Variants in SEPTIN9 observed in about 807,000 individuals in gnomAD.
The protein encoded by SEPTIN9 is septin-9.
A neutral mutation model predicts 56.6 loss-of-function variants in SEPTIN9; 13 were observed. The ratio of observed to expected loss-of-function variants is 0.23; its 90% CI spans 0.15 to 0.37. The LOEUF (loss-of-function observed/expected upper bound fraction) is 0.37, where lower values mean the gene tolerates loss of function less well. Ranked by LOEUF, SEPTIN9 falls within the 10% of genes least tolerant of loss-of-function variation. SEPTIN9 has a pLI of 1.00. For missense variants in SEPTIN9, 650 were observed against 823.1 expected, an observed-to-expected ratio of 0.79 and a Z score of 2.57; for synonymous variants, 332 against 334.1, an observed-to-expected ratio of 0.99 and a Z score of 0.07.
intron 3 of SEPTIN9, among the ~76,000 whole-genome samples, chr17:77,418,216 G>A (rs749199818): frequency 2.0e-5 from 3 of 152,164 alleles, no homozygotes; most frequent in African/African-American, 4.8e-5. Context: ...TCGGAGTCCC[G>A]CTCCGGTTCA....
In SEPTIN9 at chr17:77,493,407, C is replaced by T. The variant is rs143474959; in HGVS notation, c.1573+331C>T. On this transcript the variant is annotated intron_variant, in intron 10 of 11. Coordinates refer to ENST00000427177, the MANE Select transcript of SEPTIN9 (RefSeq NM_001113491.2). ...GCCCTGGACAAATCGCCCAACCTCT[C>T]TGGGCCTAGAAAAGGGGTGGGCTGT... is the stretch of plus-strand genomic sequence containing the variant. 1.6e-3 allele frequency among the ~76,000 whole-genome samples: 243 copies of T among 152,336 alleles called. 1 individual carries two copies. The highest frequency in any genetic ancestry group is 5.5e-3 in the African/African-American group (229 of 41,578).
At chr17:77,361,856 T>A (rs2034429390) in intron 2 of SEPTIN9, among the ~76,000 whole-genome samples, 1 of 152,132 alleles carries the variant, frequency 6.6e-6, no homozygotes, top group Non-Finnish European at 1.5e-5. Context: ...ATGGTCTCGA[T>A]CTCTTGACCT....
In SEPTIN9 at chr17:77,302,799, A is replaced by G. The variant is rs1194913224; in HGVS notation, c.20-4342A>G. Reference sequence around the variant, plus strand: ...CTTGGTGGAATTGGGGCAAAAGAGCAGGGAGGGCACTGGGCAGTTGACCTG... The same window carrying G: ...CTTGGTGGAATTGGGGCAAAAGAGCGGGGAGGGCACTGGGCAGTTGACCTG... On this transcript the variant is annotated intron_variant, in intron 1 of 11. Transcript: ENST00000427177. 2.6e-5 allele frequency among the ~76,000 whole-genome samples: 4 copies of G among 152,204 alleles called. No individual in the cohort carries two copies. In the East Asian group the frequency reaches 7.7e-4, roughly 29 times the overall value.
chr17:77,471,575 C>G (rs957209807), intron 3 of SEPTIN9, among the ~76,000 whole-genome samples: 1 of 152,270 alleles, frequency 6.6e-6, no homozygotes, highest in Non-Finnish European at 1.5e-5. Context: ...GACAGGTCTG[C>G]TGATAGCAGA....
At position 77,453,214 on chromosome 17, in the gene SEPTIN9, G is replaced by A. The variant is rs1411175557; in HGVS notation, c.722-28930G>A. Among the ~76,000 whole-genome samples the A allele has an allele frequency of 6.6e-6, 1 of 152,098 alleles. No individual in the cohort carries two copies. Among genetic ancestry groups the A allele is most frequent in the Non-Finnish European group, 1.5e-5 (1 of 68,024 alleles). ...GGGGCACTCTGGGATGAGAAGATGC[G>A]ACTTCTGCCCTGAGAGCCCTGCTTT... is the stretch of plus-strand genomic sequence containing the variant. On this transcript the variant is annotated intron_variant, in intron 3 of 11. Coordinates refer to ENST00000427177, the MANE Select transcript of SEPTIN9 (RefSeq NM_001113491.2). This position sits in a 1 kb window ranked among gnomAD's most constrained non-coding sequence, Gnocchi z 4.4.
chr17:77,442,843 A>G (rs2037599291), intron 3 of SEPTIN9, among the ~76,000 whole-genome samples: 1 of 152,130 alleles, frequency 6.6e-6, no homozygotes, highest in Admixed American at 6.5e-5. Flanking sequence ...ATTGCATTCC[A>G]GTCTGGGCAA....
At chr17:77,408,366 G>A (rs889792833) in intron 3 of SEPTIN9, among the ~76,000 whole-genome samples, 1 of 152,222 alleles carries the variant, frequency 6.6e-6, no homozygotes, top group African/African-American at 2.4e-5. Context: ...ATGGCAGCAT[G>A]TCTCAGTAGT....
Position 77,445,810 on chromosome 17 carries a change from C to G in SEPTIN9, c.722-36334C>G. The G allele has an allele frequency of 4.9e-6, 1 of 202,712 alleles. No homozygotes were observed. The allele number at this position is 202,712 out of a possible 1,614,324, so 12.6% of individuals were successfully genotyped here. On this transcript the variant is annotated intron_variant, in intron 3 of 11. Coordinates refer to ENST00000427177, the MANE Select transcript of SEPTIN9 (RefSeq NM_001113491.2). The surrounding 1 kb of genome is among the most constrained non-coding windows in gnomAD (Gnocchi z 4.7). Reference sequence around the variant, plus strand: ...TGTGACCCTTCTGTTGGGTGGGTCACGAGGAAGGACTGTGGGTGTTGCCCA... The same window carrying G: ...TGTGACCCTTCTGTTGGGTGGGTCAGGAGGAAGGACTGTGGGTGTTGCCCA...
intron 3 of SEPTIN9, among the ~76,000 whole-genome samples, chr17:77,464,771 T>G (rs1260071419): frequency 6.6e-6 from 1 of 151,930 alleles, no homozygotes; most frequent in East Asian, 1.9e-4. Context: ...CGGCTAATTT[T>G]TTTTTTTGTA....
chr17:77,370,517 T>A (rs1344437436), intron 2 of SEPTIN9, among the ~76,000 whole-genome samples: 1 of 152,210 alleles, frequency 6.6e-6, no homozygotes, highest in Non-Finnish European at 1.5e-5. Context: ...TGGGCATATC[T>A]TTGTTTTGGG....
chr17:77,475,928 G>A lies in SEPTIN9; in HGVS notation c.722-6216G>A, dbSNP rs765779077. The A allele has an allele frequency of 6.3e-7, 1 of 1,594,288 alleles. No homozygotes were observed. Among genetic ancestry groups the A allele is most frequent in the Non-Finnish European group, 8.6e-7 (1 of 1,167,658 alleles). ...GGTGTGTGGGGATGTGGCCATTTCG[G>A]TCCGTGCTCTGAGAGCCAGGTGTGG... On this transcript the variant is annotated intron_variant, in intron 3 of 11. Coordinates refer to ENST00000427177, the MANE Select transcript of SEPTIN9 (RefSeq NM_001113491.2). The surrounding 1 kb of genome is among the most constrained non-coding windows in gnomAD (Gnocchi z 4.6).
rs1422114345 is a variant in SEPTIN9, at chr17:77,451,938, C to T, written c.722-30206C>T. On this transcript the variant is annotated intron_variant, in intron 3 of 11. Coordinates refer to ENST00000427177, the MANE Select transcript of SEPTIN9 (RefSeq NM_001113491.2). This position sits in a 1 kb window ranked among gnomAD's most constrained non-coding sequence, Gnocchi z 4.2. The stretch of plus-strand genomic sequence containing the variant: ...GCCACCGCTTTCTCTAAAATCACTC[C>T]GCTCAAGTTATCACCCCTCTGGGCT... 6.6e-6 allele frequency among the ~76,000 whole-genome samples: 1 copy of T among 152,188 alleles called. No individual in the cohort carries two copies. Among genetic ancestry groups the T allele is most frequent in the Non-Finnish European group, 1.5e-5 (1 of 68,036 alleles).
chr17:77,466,278 A>G, intron 3 of SEPTIN9: 1 of 463,646 alleles, frequency 2.2e-6, no homozygotes, highest in Non-Finnish European at 2.8e-6. Context: ...CGAGGAGCCC[A>G]GCTGGCTTGG....
intron 3 of SEPTIN9, among the ~76,000 whole-genome samples, chr17:77,471,629 C>A (rs537112782): frequency 6.6e-6 from 1 of 152,152 alleles, no homozygotes; most frequent in Non-Finnish European, 1.5e-5. Context: ...CCTCCCCAAC[C>A]CCTGCTTAGG....
chr17:77,308,000 G>A lies in SEPTIN9; in HGVS notation c.76+803G>A, dbSNP rs769386822. On this transcript the variant is annotated intron_variant, in intron 2 of 11. Coordinates refer to ENST00000427177, the MANE Select transcript of SEPTIN9 (RefSeq NM_001113491.2). ...AGTGCCTCTGTTTCTGGGAGCCTAC[G>A]TTGTTCTTGGCTGTCACTTCCAGCG... 3.0e-4 allele frequency among the ~76,000 whole-genome samples: 46 copies of A among 152,200 alleles called. 1 individual carries two copies. The highest frequency in any genetic ancestry group is 5.7e-4 in the Non-Finnish European group (39 of 68,032).
intron 2 of SEPTIN9, among the ~76,000 whole-genome samples, chr17:77,316,736 T>G (rs1464027233): frequency 6.6e-6 from 1 of 150,798 alleles, no homozygotes; most frequent in Non-Finnish European, 1.5e-5. Context: ...AGACAGGGTC[T>G]CACTCTTTTT....
chr17:77,311,148 C>T (rs568765333), intron 2 of SEPTIN9, among the ~76,000 whole-genome samples: 188 of 152,116 alleles, frequency 1.2e-3, no homozygotes, highest in African/African-American at 4.3e-3. Flanking sequence ...GGGAGAGCCA[C>T]GTGAAGGCAG....
intron 3 of SEPTIN9, among the ~76,000 whole-genome samples, chr17:77,419,519 G>C (rs573790880): frequency 6.6e-6 from 1 of 152,124 alleles, no homozygotes; most frequent in African/African-American, 2.4e-5. Flanking sequence ...CTGTACCTGC[G>C]ACCCAGCTGA....
At chr17:77,325,853 C>T (rs1290206172) in intron 2 of SEPTIN9, among the ~76,000 whole-genome samples, 1 of 152,192 alleles carries the variant, frequency 6.6e-6, no homozygotes, top group Non-Finnish European at 1.5e-5. Context: ...AACCCCTGTG[C>T]CTCAAACCCC....
Sources: allele counts gnomAD v4.1 joint callset (sites outside exome capture counted in the v4.1 genomes callset), GRCh38; gene constraint gnomAD v4.1.1; non-coding constraint Gnocchi (gnomAD v3.1); transcripts MANE v1.5; gene names NCBI Gene and HGNC (gene_info 2026-07-23, HGNC 2026-07-21).